The following CRHR2 variants were observed in gnomAD, a reference collection of about 807,000 sequenced individuals.
CRHR2 encodes the protein corticotropin releasing hormone receptor 2.
A neutral mutation model predicts 57.9 loss-of-function variants in CRHR2; 53 were observed. That is an observed-to-expected ratio of 0.92 (90% CI 0.73 to 1.15). The LOEUF (loss-of-function observed/expected upper bound fraction) is 1.15, where lower values mean the gene tolerates loss of function less well. CRHR2 is among the 50% of genes most tolerant of loss of function. The pLI is 0.00. For missense variants in CRHR2, 532 were observed against 542.6 expected (o/e 0.98, Z 0.19); for synonymous variants, 213 against 220.9 (o/e 0.96, Z 0.32).
chr7:30,654,965 A>G lies in CRHR2; in HGVS notation c.1095+74T>C, dbSNP rs548312946. ...TGGCACTCCAGCAAGGCCGGGCAGC[A>G]CCAATGGAGCTGCCCTGGAGTGGGG... On this transcript the variant is annotated intron_variant, in intron 11 of 11. Transcript: ENST00000471646. The G allele has an allele frequency of 8.2e-6, 13 of 1,579,770 alleles. No individual in the cohort carries two copies. The African/African-American group carries it at 1.5e-4, about 18-fold the overall frequency.
intron 2 of CRHR2, among the ~76,000 whole-genome samples, chr7:30,668,665 C>T (rs891957833): frequency 5.3e-5 from 8 of 152,286 alleles, no homozygotes; most frequent in Admixed American, 6.5e-5. Flanking sequence ...GAGCACTTGC[C>T]GAAGAGCAAA....
chr7:30,695,717 G>T (rs1048884653), intron 1 of CRHR2, among the ~76,000 whole-genome samples: 7 of 152,148 alleles, frequency 4.6e-5, no homozygotes, highest in Non-Finnish European at 5.9e-5. Flanking sequence ...GAGTCTGTCC[G>T]AATGTCCTAA....
intron 11 of CRHR2, chr7:30,654,708 G>A: frequency 6.5e-7 from 1 of 1,536,116 alleles, no homozygotes; most frequent in South Asian, 1.2e-5. Flanking sequence ...CTGATTGCTT[G>A]GCACACATCT....
chr7:30,690,084 C>T (rs1784931225), intron 1 of CRHR2, among the ~76,000 whole-genome samples: 2 of 152,146 alleles, frequency 1.3e-5, no homozygotes, highest in African/African-American at 2.4e-5. Flanking sequence ...TGGATGTGCA[C>T]GGATAAAGTA....
chr7:30,657,543 G>A (rs1783835600), intron 8 of CRHR2, among the ~76,000 whole-genome samples: 1 of 152,178 alleles, frequency 6.6e-6, no homozygotes, highest in South Asian at 2.1e-4. Flanking sequence ...GTAATACAAA[G>A]TATTTGACCT....
At chr7:30,693,222 G>A (rs1784993695) in intron 1 of CRHR2, among the ~76,000 whole-genome samples, 1 of 152,204 alleles carries the variant, frequency 6.6e-6, no homozygotes, top group Admixed American at 6.5e-5. Flanking sequence ...TGACAGGAGT[G>A]TCGTTAGTTC....
chr7:30,685,073 G>T (rs1784828108), upstream of CRHR2, among the ~76,000 whole-genome samples: 3 of 152,178 alleles, frequency 2.0e-5, no homozygotes, highest in South Asian at 6.2e-4. Flanking sequence ...TGGCAAATAG[G>T]TTCAGGGAAG....
At chr7:30,695,840 C>T (rs1022940190) in intron 1 of CRHR2, among the ~76,000 whole-genome samples, 7 of 152,112 alleles carry the variant, frequency 4.6e-5, no homozygotes, top group African/African-American at 7.2e-5. Flanking sequence ...ACCAGCTGAG[C>T]GGCCCTGGGC....
intron 2 of CRHR2, among the ~76,000 whole-genome samples, chr7:30,680,465 C>G (rs1251031161): frequency 6.6e-6 from 1 of 152,222 alleles, no homozygotes. Context: ...CATCACCCCA[C>G]TTTACCCTGG....
chr7:30,667,148 C>T, intron 3 of CRHR2, 80 bp downstream of exon 3: 1 of 1,293,878 alleles, frequency 7.7e-7, no homozygotes, highest in Non-Finnish European at 1.1e-6. Context: ...CTGGTCTGCC[C>T]CCCTTGGGAT....
chr7:30,654,594 G>A (rs1019516062), intron 11 of CRHR2: 17 of 1,298,588 alleles, frequency 1.3e-5, no homozygotes, highest in African/African-American at 1.0e-4. Context: ...CAAGCTTCAC[G>A]GCCGCCTGAC....
chr7:30,676,856 C>A (rs1238449463), intron 2 of CRHR2, among the ~76,000 whole-genome samples: 1 of 152,222 alleles, frequency 6.6e-6, no homozygotes, highest in Non-Finnish European at 1.5e-5. Flanking sequence ...GAAGTGGGGA[C>A]CCCTAACCTC....
intron 2 of CRHR2, among the ~76,000 whole-genome samples, chr7:30,677,369 G>GGA (rs1482174631): frequency 6.6e-6 from 1 of 152,148 alleles, no homozygotes; most frequent in Admixed American, 6.5e-5. Context: ...TGTGGAATGG[G>GGA]GAGAGGTGGG....
At position 30,665,739 on chromosome 7, in the gene CRHR2, G is replaced by A; in HGVS notation, c.316-100C>T. 2 of 946,450 alleles carry A rather than the reference G, an allele frequency of 2.1e-6. No individual in the cohort carries two copies. Among genetic ancestry groups the A allele is most frequent in the Non-Finnish European group, 3.2e-6 (2 of 618,452 alleles). The allele number at this position is 946,450 out of a possible 1,614,324, so 58.6% of individuals were successfully genotyped here. On this transcript the variant is annotated intron_variant, in intron 3 of 11. Transcript: ENST00000471646. The surrounding 1 kb of genome is among the most constrained non-coding windows in gnomAD (Gnocchi z 4.5). Reference sequence around the variant, plus strand: ...CCACCTCTGTGTCCTGACCTTGGGGGCAGAAGTGCTCCAGGTGTCATTGCC... The same window carrying A: ...CCACCTCTGTGTCCTGACCTTGGGGACAGAAGTGCTCCAGGTGTCATTGCC...
chr7:30,667,694 T>A (rs529448141), intron 2 of CRHR2, among the ~76,000 whole-genome samples: 5 of 152,260 alleles, frequency 3.3e-5, no homozygotes, highest in Non-Finnish European at 7.3e-5. Flanking sequence ...AGGTCCATAC[T>A]TCACCAATAT....
upstream of CRHR2, chr7:30,686,341 G>T (rs893508514): frequency 1.4e-6 from 2 of 1,474,834 alleles, no homozygotes; most frequent in Non-Finnish European, 1.8e-6. Context: ...GCACCCATTG[G>T]AATGCTCTAG....
chr7:30,698,346 T>G (rs1158579057), intron 1 of CRHR2: 1 of 152,242 alleles, frequency 6.6e-6, no homozygotes, highest in Non-Finnish European at 1.5e-5. Context: ...CTAGGGCACC[T>G]CTGGAGCAGC....
intron 11 of CRHR2, among the ~76,000 whole-genome samples, chr7:30,654,211 A>T (rs1481699359): frequency 6.6e-6 from 1 of 152,180 alleles, no homozygotes; most frequent in Non-Finnish European, 1.5e-5. Flanking sequence ...TGGAAATTGG[A>T]TGGTGTCTCT....
chr7:30,680,123 T>C (rs544069583), intron 2 of CRHR2, among the ~76,000 whole-genome samples: 1 of 152,226 alleles, frequency 6.6e-6, no homozygotes, highest in Non-Finnish European at 1.5e-5. Flanking sequence ...TGCAGCACCT[T>C]TGGGAAGTCT....
Sources: gnomAD v4.1 joint callset for allele counts (sites outside exome capture counted in the v4.1 genomes callset) on GRCh38, gnomAD v4.1.1 for gene constraint, Gnocchi (gnomAD v3.1) non-coding constraint, MANE v1.5 for transcripts, NCBI Gene and HGNC (gene_info 2026-07-23, HGNC 2026-07-21) for gene names.